Variants in ANKRD13B observed in about 807,000 individuals in gnomAD.
The protein encoded by ANKRD13B is ankyrin repeat domain-containing protein 13B.
ANKRD13B carries 33 observed loss-of-function variants against 74.4 expected under a neutral mutation model. The ratio of observed to expected loss-of-function variants is 0.44; its 90% CI spans 0.34 to 0.59. The LOEUF (loss-of-function observed/expected upper bound fraction) is 0.59. Among genes scored for constraint, ANKRD13B ranks in the 20% least tolerant of loss-of-function variants. The pLI is 0.02. For missense variants in ANKRD13B, 676 were observed against 877.9 expected (o/e 0.77, Z 2.91); for synonymous variants, 341 against 362.9 (o/e 0.94, Z 0.68).
At position 29,608,859 on chromosome 17, in the gene ANKRD13B, G is replaced by T. The variant is rs2034480228; in HGVS notation, c.430G>T (p.Val144Leu). The change falls in exon 5 of 15, where the codon GTG (valine) becomes TTG (leucine). Residue 144 changes from valine to leucine, a missense_variant. Around this residue, in one of 4 missense-constraint regions of ANKRD13B, gnomAD observed 328 missense variants for 518.4 expected, o/e 0.63. Transcript: ENST00000394859. The surrounding 1 kb of genome is among the most constrained non-coding windows in gnomAD (Gnocchi z 6.4). Reference sequence around the variant, plus strand: ...ACCTCCGCTTCCACCAGTGCCCCTGGTGTCCAAGATCTGCCCTAGTGACAC... The same window carrying T: ...ACCTCCGCTTCCACCAGTGCCCCTGTTGTCCAAGATCTGCCCTAGTGACAC... Reference protein sequence around the residue: ...KWEFTSWVPLVSKICPSDTYK... With the variant: ...KWEFTSWVPLLSKICPSDTYK... 1 of 1,614,016 alleles carries T rather than the reference G, an allele frequency of 6.2e-7. No homozygotes were observed. The highest frequency in any genetic ancestry group is 1.1e-5 in the South Asian group (1 of 91,090).
chr17:29,613,448 T>C lies in ANKRD13B; in HGVS notation c.1747T>C (p.Phe583Leu). 1 of 1,532,346 alleles carries C rather than the reference T, an allele frequency of 6.5e-7. No homozygotes were observed. Among genetic ancestry groups the C allele is most frequent in the Middle Eastern group, 1.7e-4 (1 of 5,838 alleles). 94.9% of individuals were successfully genotyped at this position (1,532,346 alleles called of 1,614,324 possible). The change falls in exon 15 of 15, where the codon TTC becomes CTC. Residue 583 changes from phenylalanine (F) to leucine (L), a missense_variant. Transcript: ENST00000394859. ...SSGPGSGGHVFRSYDEQLRLA... is the reference protein window; with the variant it reads ...SSGPGSGGHVLRSYDEQLRLA... ...AGGGCCAGGTTCCGGCGGCCACGTG[T>C]TCCGGAGCTACGACGAGCAGCTGCG...
intron 1 of ANKRD13B, among the ~76,000 whole-genome samples, chr17:29,603,893 T>C (rs1265777913): frequency 1.6e-5 from 2 of 121,316 alleles, no homozygotes; most frequent in African/African-American, 6.8e-5. Flanking sequence ...TTTTTTTTTT[T>C]GAGATGGAGT....
chr17:29,610,019 C>T (rs1306321843), intron 7 of ANKRD13B, among the ~76,000 whole-genome samples: 1 of 151,926 alleles, frequency 6.6e-6, no homozygotes, highest in Admixed American at 6.6e-5. Flanking sequence ...GGTGAAACCC[C>T]GTCTCTACTA....
At position 29,607,893 on chromosome 17, in the gene ANKRD13B, C is replaced by G; in HGVS notation, c.250+16C>G. The stretch of plus-strand genomic sequence containing the variant: ...GGCTGGACAGGTGGGCAGCCCTGCT[C>G]ACCCCAGCCCCACAGCCGGGGCCTC... On this transcript the variant is annotated intron_variant, in intron 2 of 14. Coordinates refer to ENST00000394859, the MANE Select transcript of ANKRD13B (RefSeq NM_152345.5). 1 of 1,585,220 alleles carries G rather than the reference C, an allele frequency of 6.3e-7. No individual in the cohort carries two copies. Among genetic ancestry groups the G allele is most frequent in the Non-Finnish European group, 8.6e-7 (1 of 1,164,290 alleles).
chr17:29,594,123 G>A (rs1199220690), intron 1 of ANKRD13B: 1 of 153,704 alleles, frequency 6.5e-6, no homozygotes, highest in Non-Finnish European at 1.4e-5. Flanking sequence ...GGGGGCCATA[G>A]GTCAAGAATG....
At position 29,593,475 on chromosome 17, in the gene ANKRD13B, C is replaced by T. The variant is rs977761324; in HGVS notation, c.-147C>T. On this transcript the variant is annotated 5_prime_UTR_variant, in exon 1 of 15. Coordinates refer to ENST00000394859, the MANE Select transcript of ANKRD13B (RefSeq NM_152345.5). Reference sequence around the variant, plus strand: ...CGCCCGCACCGCGCCGGGCGCGCCGCCCCCGCCCGCCGCCGCTCGCACATG... The same window carrying T: ...CGCCCGCACCGCGCCGGGCGCGCCGTCCCCGCCCGCCGCCGCTCGCACATG... 1.1e-5 allele frequency: 2 copies of T among 180,226 alleles called. No homozygotes were observed. The highest frequency in any genetic ancestry group is 4.9e-5 in the African/African-American group (2 of 40,956). The allele number at this position is 180,226 out of a possible 1,614,324, so 11.2% of individuals were successfully genotyped here.
rs539205155 is a variant in ANKRD13B, at chr17:29,611,469, C to T, written c.905-110C>T. On this transcript the variant is annotated intron_variant, in intron 8 of 14. Transcript: ENST00000394859. This position sits in a 1 kb window ranked among gnomAD's most constrained non-coding sequence, Gnocchi z 4.3. ...GAGTATGTGGTTGGGTGAGCAGGCC[C>T]CACCCCAGGAACCGGCCTCCTCCCT... The T allele has an allele frequency of 8.8e-5, 101 of 1,147,386 alleles. No individual in the cohort carries two copies. In the South Asian group the frequency reaches 1.3e-3, roughly 15 times the overall value. The allele number at this position is 1,147,386 out of a possible 1,614,324, so 71.1% of individuals were successfully genotyped here.
rs148316748 is a variant in ANKRD13B at position 29,596,301 on chromosome 17, G to T, written c.114+2566G>T. On this transcript the variant is annotated intron_variant, in intron 1 of 14. Transcript: ENST00000394859. Reference sequence around the variant, plus strand: ...GGAAGCAGGGAGTGATGGGCAGATAGGAGGTGCCTGGTGAAGGGAAGGGGC... The same window carrying T: ...GGAAGCAGGGAGTGATGGGCAGATATGAGGTGCCTGGTGAAGGGAAGGGGC... 5.9e-5 allele frequency among the ~76,000 whole-genome samples: 9 copies of T among 152,366 alleles called. No homozygotes were observed. The East Asian group carries it at 1.4e-3, about 23-fold the overall frequency.
chr17:29,604,158 G>T (rs932916030), intron 1 of ANKRD13B, among the ~76,000 whole-genome samples: 1 of 151,776 alleles, frequency 6.6e-6, no homozygotes, highest in African/African-American at 2.4e-5. Context: ...AAAGAGTGTT[G>T]GGCTTTGTTC....
Position 29,611,522 on chromosome 17 carries a change from A to T in ANKRD13B, c.905-57A>T. 1 of 1,574,758 alleles carries T rather than the reference A, an allele frequency of 6.4e-7. No individual in the cohort carries two copies. The highest frequency in any genetic ancestry group is 1.1e-5 in the South Asian group (1 of 90,292). ...GTCTTGGGTGCTGTCACCTCTGATG[A>T]GGTGCCCAGGTGTGTGTGGAGTTGC... On this transcript the variant is annotated intron_variant, in intron 8 of 14. Coordinates refer to ENST00000394859, the MANE Select transcript of ANKRD13B (RefSeq NM_152345.5). The surrounding 1 kb of genome is among the most constrained non-coding windows in gnomAD (Gnocchi z 4.3).
chr17:29,603,561 CA>C lies in ANKRD13B; in HGVS notation c.115-4180del, dbSNP rs1342535979. Among the ~76,000 whole-genome samples the C allele has an allele frequency of 2.0e-5, 3 of 152,326 alleles. No homozygotes were observed. The East Asian group carries it at 5.8e-4, about 29-fold the overall frequency. On this transcript the variant is annotated intron_variant, in intron 1 of 14. Coordinates refer to ENST00000394859, the MANE Select transcript of ANKRD13B (RefSeq NM_152345.5). ...TAGAAGCCCAGCCAACTTTATTTTT[CA>C]GTACTGTTTTTCTCCTCTGTGCTTC...
Position 29,612,483 on chromosome 17 carries a change from G to T in ANKRD13B, c.1340G>T (p.Arg447Leu). The stretch of plus-strand genomic sequence containing the variant: ...TGCGACGAACCGGTGCCATCGGTGC[G>T]AGGCAGCCCCAGCAGCGAGACGCCT... ...NGCDEPVPSVRGSPSSETPSP... is the reference protein window; with the variant it reads ...NGCDEPVPSVLGSPSSETPSP... Residue 447 changes from arginine (R) to leucine (L), a missense_variant, in exon 12 of 15, where the codon CGA becomes CTA. Physicochemically the swap from Arg to Leu is moderately radical, Grantham distance 102 (BLOSUM62 -2). Around this residue, in one of 4 missense-constraint regions of ANKRD13B, gnomAD observed 152 missense variants for 181.4 expected, o/e 0.84. Transcript: ENST00000394859. The surrounding 1 kb of genome is among the most constrained non-coding windows in gnomAD (Gnocchi z 6.1). The T allele has an allele frequency of 6.3e-7, 1 of 1,594,744 alleles. No homozygotes were observed. The highest frequency in any genetic ancestry group is 2.3e-5 in the East Asian group (1 of 43,944).
intron 1 of ANKRD13B, 160 bp downstream of exon 1, chr17:29,593,895 A>ATGGGAGCGGCCCCGGCCCGC: frequency 3.2e-6 from 1 of 315,506 alleles, no homozygotes; most frequent in Non-Finnish European, 5.6e-6. Context: ...GGAAAGGGTG[A>ATGGGAGCGGCCCCGGCCCGC]TCCCCTCCGG....
chr17:29,612,793 A>T lies in ANKRD13B; in HGVS notation c.1553A>T (p.Glu518Val). ...LQFAIQQSLL[E>V]AGSEYDQVTI... ...TTCGCCATCCAGCAGAGCCTGCTTG[A>T]GGCGGGCAGTGAGTATGACCAGGTG... Residue 518 changes from glutamate to valine, a missense_variant, in exon 13 of 15, where the codon GAG becomes GTG. Glu to Val is a moderately radical substitution (Grantham distance 121, BLOSUM62 -2). Coordinates refer to ENST00000394859, the MANE Select transcript of ANKRD13B (RefSeq NM_152345.5). The surrounding 1 kb of genome is among the most constrained non-coding windows in gnomAD (Gnocchi z 6.1). 6.2e-7 allele frequency: 1 copy of T among 1,603,186 alleles called. No individual in the cohort carries two copies. Among genetic ancestry groups the T allele is most frequent in the Non-Finnish European group, 8.5e-7 (1 of 1,178,576 alleles).
At chr17:29,597,115 C>T (rs2033981482) in intron 1 of ANKRD13B, among the ~76,000 whole-genome samples, 1 of 152,234 alleles carries the variant, frequency 6.6e-6, no homozygotes, top group Non-Finnish European at 1.5e-5. Context: ...TGAGCAGGCA[C>T]CACCTTGAGC....
chr17:29,606,322 G>C (rs1379547677), intron 1 of ANKRD13B, among the ~76,000 whole-genome samples: 1 of 151,718 alleles, frequency 6.6e-6, no homozygotes, highest in Non-Finnish European at 1.5e-5. Context: ...ACTTTGGGAG[G>C]CCAAGGCAGG....
At chr17:29,600,785 T>A (rs2034144611) in intron 1 of ANKRD13B, among the ~76,000 whole-genome samples, 1 of 152,192 alleles carries the variant, frequency 6.6e-6, no homozygotes, top group Non-Finnish European at 1.5e-5. Flanking sequence ...CTGTGGCTGC[T>A]TTAGTTTCAG....
intron 1 of ANKRD13B, among the ~76,000 whole-genome samples, chr17:29,598,467 T>G (rs1027506088): frequency 2.0e-4 from 31 of 151,966 alleles, no homozygotes; most frequent in Non-Finnish European, 1.5e-5. Flanking sequence ...AACAATATAT[T>G]GTTTATACTG....
At chr17:29,599,886 T>TC (rs2034100016) in intron 1 of ANKRD13B, among the ~76,000 whole-genome samples, 1 of 133,330 alleles carries the variant, frequency 7.5e-6, no homozygotes, top group African/African-American at 3.0e-5. Flanking sequence ...TTTTTTTTTT[T>TC]TTTTTTTTGA....
Sources: allele counts gnomAD v4.1 joint callset (sites outside exome capture counted in the v4.1 genomes callset), GRCh38; gene constraint gnomAD v4.1.1; regional missense constraint gnomAD v4.1.1; non-coding constraint Gnocchi (gnomAD v3.1); transcripts MANE v1.5; gene names NCBI Gene and HGNC (gene_info 2026-07-23, HGNC 2026-07-21).